Variants in LITAF observed in about 807,000 individuals in gnomAD.
LITAF encodes the protein lipopolysaccharide-induced tumor necrosis factor-alpha factor.
Under a neutral mutation model 14.5 loss-of-function variants are expected in LITAF, and 9 were observed. That is an observed-to-expected ratio of 0.62 (90% CI 0.37 to 1.08). The LOEUF is 1.08. LITAF is among the 50% of genes least tolerant of loss of function. The pLI, the probability that LITAF is intolerant of heterozygous loss-of-function variation, is 0.01. For missense variants in LITAF, 206 were observed against 213.4 expected (o/e 0.97, Z 0.22); for synonymous variants, 98 against 88.2 (o/e 1.11, Z -0.62).
chr16:11,632,917 C>G lies in LITAF; in HGVS notation c.85+616G>C, dbSNP rs1437593045. 6.6e-6 allele frequency among the ~76,000 whole-genome samples: 1 copy of G among 152,194 alleles called. No homozygotes were observed. Among genetic ancestry groups the G allele is most frequent in the Non-Finnish European group, 1.5e-5 (1 of 68,024 alleles). ...TCCTAGTGAAGGAAACAAAGGCCAG[C>G]TCTGAGGCCCGGGGCTGGGAGGGCT... On this transcript the variant is annotated intron_variant, in intron 3 of 3. Coordinates refer to the LITAF transcript ENST00000574848. The surrounding 1 kb of genome is among the most constrained non-coding windows in gnomAD (Gnocchi z 4.8).
chr16:11,593,688 T>C (rs1179072256), intron 1 of LITAF, among the ~76,000 whole-genome samples: 4 of 152,196 alleles, frequency 2.6e-5, no homozygotes, highest in Non-Finnish European at 1.5e-5. Context: ...GAACAATGCA[T>C]TGATGCTTTC....
At chr16:11,637,892 AAAAAAC>A (rs1444180541), upstream of LITAF, among the ~76,000 whole-genome samples, 3 of 96,124 alleles carry the variant, frequency 3.1e-5, no homozygotes, top group African/African-American at 1.6e-4. Context: ...AAAAAAAAAA[AAAAAAC>A]TATATATATA....
intron 3 of LITAF, among the ~76,000 whole-genome samples, chr16:11,612,910 A>C (rs1356649696): frequency 6.6e-6 from 1 of 152,114 alleles, no homozygotes; most frequent in Non-Finnish European, 1.5e-5. Flanking sequence ...GTCCCCCTAG[A>C]ATCTTGACCT....
intron 2 of LITAF, among the ~76,000 whole-genome samples, chr16:11,635,302 G>A (rs2065133947): frequency 6.6e-6 from 1 of 152,192 alleles, no homozygotes; most frequent in Non-Finnish European, 1.5e-5. Context: ...ACGCATGCAC[G>A]CATGTAGATA....
rs913046615 is a variant in LITAF at position 11,553,410 on chromosome 16, CA to C, written c.377+122del. Reference sequence around the variant, plus strand: ...TGGGCGACAGAACCAGATTCCATCTCAAAAAAAAACAACACAAATGTCTGGC... The same window carrying C: ...TGGGCGACAGAACCAGATTCCATCTCAAAAAAAACAACACAAATGTCTGGC... On this transcript the variant is annotated intron_variant, in intron 3 of 3. Transcript: ENST00000622633. The surrounding 1 kb of genome is among the most constrained non-coding windows in gnomAD (Gnocchi z 7.7). 1.9e-4 allele frequency: 201 copies of C among 1,082,066 alleles called. No individual in the cohort carries two copies. The highest frequency in any genetic ancestry group is 2.1e-4 in the Non-Finnish European group (157 of 742,432). The allele number at this position is 1,082,066 out of a possible 1,614,324, so 67.0% of individuals were successfully genotyped here.
intron 3 of LITAF, among the ~76,000 whole-genome samples, chr16:11,552,462 G>T (rs1054545391): frequency 6.6e-6 from 1 of 152,188 alleles, no homozygotes; most frequent in African/African-American, 2.4e-5. Flanking sequence ...TTCCTATGAA[G>T]AATTTTAATG....
At chr16:11,592,357 C>T (rs1184733381) in intron 1 of LITAF, among the ~76,000 whole-genome samples, 1 of 152,070 alleles carries the variant, frequency 6.6e-6, no homozygotes, top group Non-Finnish European at 1.5e-5. Context: ...GGGCGGCTCA[C>T]CAGAGGTCAG....
rs1019435773 is a variant in LITAF, at chr16:11,565,447, G to A, written c.-5-8712C>T. Reference sequence around the variant, plus strand: ...TTCTCTTCACTAAAAAGCGGGGGGCGGGGGGGTGGGGGGAGGTGCGGGGAG... The same window carrying A: ...TTCTCTTCACTAAAAAGCGGGGGGCAGGGGGGTGGGGGGAGGTGCGGGGAG... On this transcript the variant is annotated intron_variant, in intron 1 of 3. Transcript: ENST00000622633. 1.0e-4 allele frequency among the ~76,000 whole-genome samples: 15 copies of A among 144,354 alleles called. No homozygotes were observed. In the South Asian group the frequency reaches 2.4e-3, roughly 23 times the overall value. The allele number at this position is 144,354 out of a possible 152,430, so 94.7% of individuals were successfully genotyped here.
At chr16:11,615,835 T>C (rs527301731) in intron 3 of LITAF, among the ~76,000 whole-genome samples, 1 of 152,230 alleles carries the variant, frequency 6.6e-6, no homozygotes, top group African/African-American at 2.4e-5. Flanking sequence ...TTTCGTATGC[T>C]AATGGGATGA....
intron 3 of LITAF, among the ~76,000 whole-genome samples, chr16:11,628,407 C>T (rs1433043499): frequency 1.3e-5 from 2 of 152,236 alleles, no homozygotes; most frequent in Non-Finnish European, 2.9e-5. Context: ...CCAGTAGATG[C>T]TCTCAGAGCA....
chr16:11,623,528 C>T (rs763436011), intron 3 of LITAF, among the ~76,000 whole-genome samples: 98 of 151,658 alleles, frequency 6.5e-4, no homozygotes, highest in Admixed American at 5.9e-4. Context: ...GGCAAGGTGG[C>T]GCATGACTGT....
At position 11,574,385 on chromosome 16, in the gene LITAF, T is replaced by A. The variant is rs575965854; in HGVS notation, c.-6+12501A>T. ...TATGCAAAAAATGTCTCCAAAGGCA[T>A]ACATAAGAAACTTAACGGTCGGTGT... On this transcript the variant is annotated intron_variant, in intron 1 of 3. Coordinates refer to ENST00000622633, the MANE Select transcript of LITAF (RefSeq NM_001136472.2). 2.1e-4 allele frequency among the ~76,000 whole-genome samples: 32 copies of A among 152,194 alleles called. 1 individual carries two copies. The South Asian group carries it at 5.8e-3, about 28-fold the overall frequency.
At chr16:11,585,100 T>A (rs2064787611) in intron 1 of LITAF, among the ~76,000 whole-genome samples, 1 of 151,690 alleles carries the variant, frequency 6.6e-6, no homozygotes, top group African/African-American at 2.4e-5. Flanking sequence ...CCCCGCTACT[T>A]GGGAGGTTGA....
intron 1 of LITAF, among the ~76,000 whole-genome samples, chr16:11,597,501 A>G (rs1036934546): frequency 2.0e-5 from 3 of 152,132 alleles, no homozygotes; most frequent in Admixed American, 2.0e-4. Flanking sequence ...AGACTTAGCA[A>G]TACAGGCCCA....
intron 3 of LITAF, among the ~76,000 whole-genome samples, chr16:11,621,091 C>T (rs2065047994): frequency 6.6e-6 from 1 of 151,362 alleles, no homozygotes; most frequent in African/African-American, 2.4e-5. Context: ...TGGAGTTTCG[C>T]TCTTGTTGCC....
intron 3 of LITAF, among the ~76,000 whole-genome samples, chr16:11,627,931 C>T (rs1238609587): frequency 6.9e-6 from 1 of 145,920 alleles, no homozygotes; most frequent in Non-Finnish European, 1.5e-5. Flanking sequence ...GCAGGAAAAT[C>T]ATTTGAACCC....
Position 11,632,289 on chromosome 16 carries a change from G to A in LITAF, c.85+1244C>T, listed in dbSNP as rs960536725. Among the ~76,000 whole-genome samples the A allele has an allele frequency of 6.6e-6, 1 of 152,114 alleles. No homozygotes were observed. Among genetic ancestry groups the A allele is most frequent in the African/African-American group, 2.4e-5 (1 of 41,432 alleles). ...CAGCTGCCGTGGGGAACAGGATTAG[G>A]CAATCCGCTGGCCCCTCCCCACATG... On this transcript the variant is annotated intron_variant, in intron 3 of 3. Transcript: ENST00000574848. This position sits in a 1 kb window ranked among gnomAD's most constrained non-coding sequence, Gnocchi z 4.8.
chr16:11,549,497 T>G lies in LITAF; in HGVS notation c.*140A>C, dbSNP rs2064151827. The stretch of plus-strand genomic sequence containing the variant: ...GGAGATTTGTTAGTTTTGCGACGTA[T>G]TCCCCCCAAAAGAAGACATGAAGGT... On this transcript the variant is annotated 3_prime_UTR_variant, in exon 4 of 4. Transcript: ENST00000622633. This position sits in a 1 kb window ranked among gnomAD's most constrained non-coding sequence, Gnocchi z 4.6. 4.2e-6 allele frequency: 3 copies of G among 710,896 alleles called. No homozygotes were observed. The East Asian group carries it at 8.3e-5, about 20-fold the overall frequency. The allele number at this position is 710,896 out of a possible 1,614,324, so 44.0% of individuals were successfully genotyped here.
At chr16:11,599,407 T>G (rs2064914008), upstream of LITAF, among the ~76,000 whole-genome samples, 1 of 152,120 alleles carries the variant, frequency 6.6e-6, no homozygotes, top group Non-Finnish European at 1.5e-5. Context: ...TATGAGTCTT[T>G]CAGCTATTAT....
Sources: gnomAD v4.1 joint callset for allele counts (sites outside exome capture counted in the v4.1 genomes callset) on GRCh38, gnomAD v4.1.1 for gene constraint, Gnocchi (gnomAD v3.1) non-coding constraint, MANE v1.5 for transcripts, NCBI Gene and HGNC (gene_info 2026-07-23, HGNC 2026-07-21) for gene names.